The following F5 variants were observed in gnomAD, a reference collection of about 807,000 sequenced individuals.
F5 encodes the protein coagulation factor V, also known as activated protein c cofactor.
F5 carries 138 observed loss-of-function variants against 216.4 expected under a neutral mutation model. The observed-to-expected ratio is 0.64, with a 90% CI of 0.56 to 0.73. F5 has a LOEUF of 0.73. F5 is among the 30% of genes least tolerant of loss of function. The pLI is 0.00. For missense variants in F5, 2,403 were observed against 2,674.0 expected, an observed-to-expected ratio of 0.90 and a Z score of 2.24; for synonymous variants, 916 against 930.7, an observed-to-expected ratio of 0.98 and a Z score of 0.29.
At chr1:169,515,338 A>C (rs1259019204) in intron 24 of F5, 106 bp downstream of exon 24, 4 of 1,308,050 alleles carry the variant, frequency 3.1e-6, no homozygotes, top group Non-Finnish European at 3.3e-6. Flanking sequence ...TAGAAGACTT[A>C]AAGAGGTGGT....
chr1:169,554,021 C>T (rs1425200919), intron 7 of F5, among the ~76,000 whole-genome samples: 3 of 119,032 alleles, frequency 2.5e-5, no homozygotes, highest in Admixed American at 2.5e-4. Context: ...ATTCCTATCT[C>T]AGTTCTGTCA....
In F5 at chr1:169,541,837, T is replaced by A. The variant is rs775511705; in HGVS notation, c.3253A>T (p.Thr1085Ser). 6.2e-7 allele frequency: 1 copy of A among 1,613,998 alleles called. No homozygotes were observed. The highest frequency in any genetic ancestry group is 1.3e-5 in the African/African-American group (1 of 74,906). Residue 1085 changes from threonine to serine, a missense_variant, in exon 13 of 25, where the codon ACA (threonine) becomes TCA (serine). Transcript: ENST00000367797. The stretch of plus-strand genomic sequence containing the variant: ...CAGCCAAAATCCATAGAGGGCAATG[T>A]CTGATTGAGGTCTGTGGGAAGAGAT... ...ETSLPTDLNQ[T>S]LPSMDFGWIA...
intron 2 of F5, among the ~76,000 whole-genome samples, chr1:169,580,694 A>G (rs1160677035): frequency 6.6e-6 from 1 of 152,182 alleles, no homozygotes; most frequent in Non-Finnish European, 1.5e-5. Context: ...ATTTAAAAAT[A>G]AAAGAATATT....
intron 14 of F5, among the ~76,000 whole-genome samples, chr1:169,535,854 A>T (rs1443442105): frequency 6.6e-6 from 1 of 152,224 alleles, no homozygotes; most frequent in Non-Finnish European, 1.5e-5. Flanking sequence ...ACACAGGTAT[A>T]GTAGATTATA....
At position 169,530,881 on chromosome 1, in the gene F5, T is replaced by G. The variant is rs918497264; in HGVS notation, c.5113A>C (p.Ser1705Arg). 1.2e-6 allele frequency: 2 copies of G among 1,613,990 alleles called. No individual in the cohort carries two copies. Among genetic ancestry groups the G allele is most frequent in the East Asian group, 4.5e-5 (2 of 44,878 alleles). The change falls in exon 15 of 25, where the codon AGT (serine) becomes CGT (arginine). Residue 1705 changes from serine (S) to arginine (R), a missense_variant. Transcript: ENST00000367797. ...KEDNAVQPNSSYTYVWHATER... is the reference protein window; with the variant it reads ...KEDNAVQPNSRYTYVWHATER... ...GTGGCATGCCATACGTAGGTATAAC[T>G]GCTATTTGGCTGAACAGCATTATCT...
chr1:169,538,277 A>T (rs1659752599), intron 13 of F5, among the ~76,000 whole-genome samples: 1 of 152,194 alleles, frequency 6.6e-6, no homozygotes, highest in African/African-American at 2.4e-5. Context: ...GTGGAAACTA[A>T]AAACATTGAG....
intron 2 of F5, among the ~76,000 whole-genome samples, chr1:169,580,526 G>A (rs1446929845): frequency 6.6e-6 from 1 of 151,882 alleles, no homozygotes; most frequent in Non-Finnish European, 1.5e-5. Context: ...TGGGACTACA[G>A]GCATGTACCA....
Position 169,513,324 on chromosome 1 carries a change from A to G in F5, c.*989T>C. Among the ~76,000 whole-genome samples the G allele has an allele frequency of 6.6e-6, 1 of 151,926 alleles. No homozygotes were observed. The highest frequency in any genetic ancestry group is 2.1e-4 in the South Asian group (1 of 4,820). ...GACACCCCAAATGACTGTCTATCTC[A>G]TGTGATTTTAAGGATGTCTAAAGGT... On this transcript the variant is annotated 3_prime_UTR_variant, in exon 25 of 25. Transcript: ENST00000367797.
chr1:169,518,827 G>A (rs1659221180), intron 22 of F5, among the ~76,000 whole-genome samples: 1 of 152,150 alleles, frequency 6.6e-6, no homozygotes, highest in Admixed American at 6.5e-5. Flanking sequence ...ATCAGAAACT[G>A]AATTGAGTTC....
intron 12 of F5, among the ~76,000 whole-genome samples, chr1:169,543,567 G>A (rs906241531): frequency 1.3e-5 from 2 of 152,152 alleles, no homozygotes; most frequent in Admixed American, 1.3e-4. Context: ...GAATTAAAGG[G>A]ATGGTGATGA....
chr1:169,514,359 T>A lies in F5; in HGVS notation c.6629A>T (p.Gln2210Leu), dbSNP rs886045541. 6.2e-7 allele frequency: 1 copy of A among 1,613,416 alleles called. No individual in the cohort carries two copies. Among genetic ancestry groups the A allele is most frequent in the Non-Finnish European group, 8.5e-7 (1 of 1,179,582 alleles). Residue 2210 changes from glutamine to leucine, a missense_variant, in exon 25 of 25, where the codon CAA becomes CTA. Coordinates refer to ENST00000367797, the MANE Select transcript of F5 (RefSeq NM_000130.5). The stretch of plus-strand genomic sequence containing the variant: ...GAGTTCCAGGCGAAGTGCAATACTT[T>A]GATTCCATGTTTTAGGAATGACACG... ...FIRVIPKTWNQSIALRLELFG... is the reference protein window; with the variant it reads ...FIRVIPKTWNLSIALRLELFG...
chr1:169,553,379 G>A (rs1660220640), intron 7 of F5, among the ~76,000 whole-genome samples: 1 of 152,120 alleles, frequency 6.6e-6, no homozygotes, highest in Non-Finnish European at 1.5e-5. Context: ...ATTTTAAAAA[G>A]CTCAACATCA....
At chr1:169,584,603 C>A (rs1382818297) in intron 1 of F5, among the ~76,000 whole-genome samples, 2 of 152,188 alleles carry the variant, frequency 1.3e-5, no homozygotes, top group African/African-American at 4.8e-5. Flanking sequence ...TGCTAAAATA[C>A]ACTTTGCCAA....
intron 2 of F5, among the ~76,000 whole-genome samples, chr1:169,574,501 C>T (rs1469632948): frequency 1.3e-5 from 2 of 152,180 alleles, no homozygotes; most frequent in African/African-American, 4.8e-5. Context: ...ATTGGCTTCT[C>T]GCCATTAGGC....
chr1:169,560,960 G>A (rs1342549813), intron 3 of F5, among the ~76,000 whole-genome samples, 194 bp from the exon 4 acceptor site: 1 of 152,108 alleles, frequency 6.6e-6, no homozygotes, highest in Non-Finnish European at 1.5e-5. Flanking sequence ...TTGATAACAT[G>A]GTGATCTTAA....
chr1:169,572,165 T>C, intron 3 of F5, 56 bp downstream of exon 3: 1 of 1,550,446 alleles, frequency 6.4e-7, no homozygotes, highest in Non-Finnish European at 8.9e-7. Flanking sequence ...ATGTTGATGC[T>C]GGTATTAAAG....
chr1:169,561,470 T>C (rs1441617856), intron 3 of F5, among the ~76,000 whole-genome samples: 1 of 152,056 alleles, frequency 6.6e-6, no homozygotes, highest in Non-Finnish European at 1.5e-5. Context: ...GATGAAGAAA[T>C]TGGTCTTCTT....
At chr1:169,529,457 G>A in intron 16 of F5, 151 bp downstream of exon 16, 2 of 712,854 alleles carry the variant, frequency 2.8e-6, no homozygotes, top group African/African-American at 3.5e-5. Context: ...GATTACATCA[G>A]CCCTCTGGAA....
chr1:169,557,951 C>T (rs1660370887), intron 5 of F5, among the ~76,000 whole-genome samples: 1 of 152,106 alleles, frequency 6.6e-6, no homozygotes, highest in Non-Finnish European at 1.5e-5. Flanking sequence ...TTAGTTTCTA[C>T]TGATGGTCTT....
Sources: gnomAD v4.1 joint callset for allele counts (sites outside exome capture counted in the v4.1 genomes callset) on GRCh38, gnomAD v4.1.1 for gene constraint, MANE v1.5 for transcripts, NCBI Gene and HGNC (gene_info 2026-07-23, HGNC 2026-07-21) for gene names.